The following KIF21A variants were observed in gnomAD, a reference collection of about 807,000 sequenced individuals.
KIF21A encodes kinesin-like protein KIF21A.
A neutral mutation model predicts 202.9 loss-of-function variants in KIF21A; 114 were observed. That is an observed-to-expected ratio of 0.56 (90% CI 0.48 to 0.66). The LOEUF is 0.66. Ranked by LOEUF, KIF21A falls within the 30% of genes least tolerant of loss-of-function variation. The pLI, the probability that KIF21A is intolerant of heterozygous loss-of-function variation, is 0.00. For synonymous variants in KIF21A, 667 were observed against 670.8 expected (o/e 0.99, Z 0.09); for missense variants, 1,677 against 1,994.9 (o/e 0.84, Z 3.04).
chr12:39,421,775 AAAAAT>A (rs1954298587), intron 1 of KIF21A, among the ~76,000 whole-genome samples: 1 of 146,132 alleles, frequency 6.8e-6, no homozygotes, highest in Non-Finnish European at 1.5e-5. Context: ...ATTTATATAT[AAAAAT>A]AAAATATGTA....
At chr12:39,396,565 T>C (rs563735947) in intron 1 of KIF21A, among the ~76,000 whole-genome samples, 293 of 152,332 alleles carry the variant, frequency 1.9e-3, no homozygotes, top group Non-Finnish European at 3.5e-3. Context: ...AGTAATTATA[T>C]GGGTACACAC....
chr12:39,371,998 G>T (rs1353208228), intron 1 of KIF21A, among the ~76,000 whole-genome samples: 1 of 150,602 alleles, frequency 6.6e-6, no homozygotes, highest in African/African-American at 2.4e-5. Flanking sequence ...GATTTTAAAG[G>T]AATCTGGTCT....
intron 17 of KIF21A, 97 bp downstream of exon 17, chr12:39,336,999 T>C (rs1947033421): frequency 1.3e-6 from 1 of 750,030 alleles, no homozygotes; most frequent in South Asian, 1.4e-5. Flanking sequence ...AACCTGCAAT[T>C]AGTAGTTATG....
chr12:39,407,256 C>T (rs1952667699), intron 1 of KIF21A, among the ~76,000 whole-genome samples: 1 of 152,220 alleles, frequency 6.6e-6, no homozygotes, highest in African/African-American at 2.4e-5. Context: ...CATAAAATTA[C>T]CGTGAAGTTT....
intron 37 of KIF21A, 135 bp downstream of exon 37, chr12:39,301,345 A>G (rs1380680578): frequency 4.9e-6 from 4 of 814,216 alleles, no homozygotes; most frequent in Non-Finnish European, 8.1e-6. Flanking sequence ...AATATGAATA[A>G]GACATCTTAA....
At chr12:39,330,560 C>A (rs1946423406) in intron 23 of KIF21A, among the ~76,000 whole-genome samples, 186 bp downstream of exon 23, 1 of 152,132 alleles carries the variant, frequency 6.6e-6, no homozygotes, top group Non-Finnish European at 1.5e-5. Context: ...GTAACCATTT[C>A]TTGGAATGAC....
intron 1 of KIF21A, among the ~76,000 whole-genome samples, chr12:39,383,722 T>G (rs992595345): frequency 3.9e-5 from 6 of 152,124 alleles, no homozygotes; most frequent in African/African-American, 1.4e-4. Context: ...TCGCTTGAGC[T>G]CAGGAGTTCA....
chr12:39,441,295 C>G (rs1050569389), intron 1 of KIF21A, among the ~76,000 whole-genome samples: 2 of 152,124 alleles, frequency 1.3e-5, no homozygotes, highest in African/African-American at 2.4e-5. Context: ...ACAGAATGGT[C>G]AACAAACTGC....
At chr12:39,326,195 T>C in intron 25 of KIF21A, 69 bp downstream of exon 25, 1 of 1,160,444 alleles carries the variant, frequency 8.6e-7, no homozygotes, top group Non-Finnish European at 1.3e-6. Flanking sequence ...TGGTAATTGT[T>C]TGATACAAGA....
rs749632095 is a variant in KIF21A at position 39,366,495 on chromosome 12, A to G, written c.758T>C (p.Ile253Thr). 37 of 1,610,316 alleles carry G rather than the reference A, an allele frequency of 2.3e-5. No individual in the cohort carries two copies. The highest frequency in any genetic ancestry group is 3.1e-5 in the Non-Finnish European group (36 of 1,176,856). The stretch of plus-strand genomic sequence containing the variant: ...ATTCATCTGTGCTGATTCAGAAATA[A>G]TTTTATTATCAGTTGCATTGTCCTG... ...IDADNATDNK[I>T]ISESAQMNEF... The change falls in exon 6 of 38, where the codon ATT (isoleucine) becomes ACT (threonine). Residue 253 changes from isoleucine to threonine, a missense_variant. Physicochemically the swap from Ile to Thr is moderately conservative, Grantham distance 89 (BLOSUM62 -1). This residue lies in a region of KIF21A where 966 missense variants were observed against 1,180.9 expected (regional missense o/e 0.82). Coordinates refer to ENST00000361418, the MANE Select transcript of KIF21A (RefSeq NM_001173464.2).
At chr12:39,430,359 A>G (rs1377719039) in intron 1 of KIF21A, among the ~76,000 whole-genome samples, 1 of 152,064 alleles carries the variant, frequency 6.6e-6, no homozygotes. Context: ...TGAGGTCAAG[A>G]GTTCAAAACC....
Position 39,330,646 on chromosome 12 carries a change from T to A in KIF21A, c.3319+100A>T, listed in dbSNP as rs113913853. The A allele has an allele frequency of 1.6e-3, 1,518 of 969,748 alleles. 18 individuals are homozygous for A. In the African/African-American group the frequency reaches 0.022, roughly 14 times the overall value. 60.1% of individuals were successfully genotyped at this position (969,748 alleles called of 1,614,324 possible). A position where few individuals can be genotyped will look rare whatever the true frequency, so the allele number is the denominator to read the frequency against. The stretch of plus-strand genomic sequence containing the variant: ...ATTAAAAGCATGAGTAAATATAGCA[T>A]CTATTCAGTCAAGCCATAGGGGAAA... On this transcript the variant is annotated intron_variant, in intron 23 of 37. Transcript: ENST00000361418.
chr12:39,363,957 G>A (rs898757089), intron 6 of KIF21A, among the ~76,000 whole-genome samples: 2 of 152,340 alleles, frequency 1.3e-5, no homozygotes, highest in Admixed American at 1.3e-4. Flanking sequence ...GGTGGAGGTT[G>A]CAGTGAGCTG....
In KIF21A at chr12:39,351,958, C is replaced by T. The variant is rs773709604; in HGVS notation, c.1492G>A (p.Ala498Thr). The change falls in exon 11 of 38, where the codon GCA becomes ACA. Residue 498 changes from alanine (A) to threonine (T), a missense_variant. By Grantham distance (58) the Ala-to-Thr change is moderately conservative. This residue lies in a region of KIF21A where 966 missense variants were observed against 1,180.9 expected (regional missense o/e 0.82). Transcript: ENST00000361418. Reference sequence around the variant, plus strand: ...TTTTTTCGAAGGTTCTCATTCACTGCTTCACTTTCTAATAATTTTGCCCTA... The same window carrying T: ...TTTTTTCGAAGGTTCTCATTCACTGTTTCACTTTCTAATAATTTTGCCCTA... ...DLRAKLLESE[A>T]VNENLRKNLT... is the part of the protein sequence containing the mutation. 4 of 1,612,924 alleles carry T rather than the reference C, an allele frequency of 2.5e-6. No homozygotes were observed. Among genetic ancestry groups the T allele is most frequent in the Non-Finnish European group, 2.5e-6 (3 of 1,179,168 alleles).
At chr12:39,413,950 G>A (rs567350095) in intron 1 of KIF21A, among the ~76,000 whole-genome samples, 4 of 152,040 alleles carry the variant, frequency 2.6e-5, no homozygotes, top group Admixed American at 2.0e-4. Flanking sequence ...AGTCCTGACA[G>A]ATAAGATCAA....
intron 1 of KIF21A, among the ~76,000 whole-genome samples, chr12:39,386,856 C>G (rs1461076341): frequency 2.0e-5 from 3 of 152,040 alleles, no homozygotes; most frequent in African/African-American, 7.2e-5. Flanking sequence ...CCAGTTAAAG[C>G]AAGAGGTTCA....
At chr12:39,427,575 G>T (rs1159787402) in intron 1 of KIF21A, among the ~76,000 whole-genome samples, 1 of 152,176 alleles carries the variant, frequency 6.6e-6, no homozygotes, top group African/African-American at 2.4e-5. Context: ...ATAGTAAAAA[G>T]AAAATTATGC....
intron 6 of KIF21A, among the ~76,000 whole-genome samples, chr12:39,365,920 T>C (rs1272901934): frequency 6.6e-6 from 1 of 152,110 alleles, no homozygotes; most frequent in African/African-American, 2.4e-5. Flanking sequence ...GGAAGATCAA[T>C]TGAGCCCGTG....
chr12:39,301,770 A>C (rs2137125532), intron 36 of KIF21A, 91 bp from the exon 37 acceptor site: 1 of 1,099,372 alleles, frequency 9.1e-7, no homozygotes, highest in East Asian at 2.4e-5. Flanking sequence ...TTTTATTGCC[A>C]AAACTTGATA....
Sources: gnomAD v4.1 joint callset for allele counts (sites outside exome capture counted in the v4.1 genomes callset) on GRCh38, gnomAD v4.1.1 for gene constraint, gnomAD v4.1.1 regional missense constraint, MANE v1.5 for transcripts, NCBI Gene and HGNC (gene_info 2026-07-23, HGNC 2026-07-21) for gene names.